Variants in RAI1 observed in about 807,000 individuals in gnomAD.
RAI1 encodes the protein retinoic acid-induced protein 1.
In RAI1, 9 loss-of-function variants were observed where a neutral mutation model predicts 123.8. That is an observed-to-expected ratio of 0.07 (90% CI 0.04 to 0.13). The LOEUF (loss-of-function observed/expected upper bound fraction) is 0.13. Among genes scored for constraint, RAI1 ranks in the 10% least tolerant of loss-of-function variants. The pLI, the probability that RAI1 is intolerant of heterozygous loss-of-function variation, is 1.00. For missense variants in RAI1, 2,256 were observed against 2,545.8 expected, an observed-to-expected ratio of 0.89 and a Z score of 2.45; for synonymous variants, 1,231 against 1,127.3, an observed-to-expected ratio of 1.09 and a Z score of -1.84.
intron 2 of RAI1, among the ~76,000 whole-genome samples, chr17:17,737,529 C>T (rs755896678): frequency 3.9e-5 from 6 of 152,170 alleles, no homozygotes; most frequent in Non-Finnish European, 7.4e-5. Context: ...CTGGCAGCCT[C>T]TAGGCTCACC....
intron 2 of RAI1, among the ~76,000 whole-genome samples, chr17:17,787,815 C>T (rs1028055707): frequency 3.3e-5 from 5 of 152,194 alleles, no homozygotes; most frequent in African/African-American, 1.2e-4. Flanking sequence ...GCCAGGCCAG[C>T]GGGTGGGCGT....
At chr17:17,787,427 A>G (rs2031863491) in intron 2 of RAI1, among the ~76,000 whole-genome samples, 1 of 152,168 alleles carries the variant, frequency 6.6e-6, no homozygotes, top group Non-Finnish European at 1.5e-5. Flanking sequence ...AGAGGTGGTG[A>G]CGCTTTTTGT....
chr17:17,750,234 T>A (rs572456669), intron 2 of RAI1, among the ~76,000 whole-genome samples: 1 of 152,340 alleles, frequency 6.6e-6, no homozygotes, highest in East Asian at 1.9e-4. Context: ...TTCCCATAGG[T>A]TGCTGTATTG....
At position 17,795,108 on chromosome 17, in the gene RAI1, C is replaced by A; in HGVS notation, c.2160C>A (p.Asp720Glu). ...TKPTLGVPAP[D>E]PTTAAFDCFP... Reference sequence around the variant, plus strand: ...CCACCCTTGGGGTTCCTGCTCCAGACCCCACTACAGCAGCTTTTGACTGTT... The same window carrying A: ...CCACCCTTGGGGTTCCTGCTCCAGAACCCACTACAGCAGCTTTTGACTGTT... Residue 720 changes from aspartate (D) to glutamate (E), a missense_variant, in exon 3 of 6, where the codon GAC (aspartate) becomes GAA (glutamate). Physicochemically the swap from Asp to Glu is conservative, Grantham distance 45. Transcript: ENST00000353383. This position sits in a 1 kb window ranked among gnomAD's most constrained non-coding sequence, Gnocchi z 5.9. The A allele has an allele frequency of 6.2e-7, 1 of 1,614,116 alleles. No individual in the cohort carries two copies. Among genetic ancestry groups the A allele is most frequent in the Non-Finnish European group, 8.5e-7 (1 of 1,180,038 alleles).
chr17:17,704,056 C>G (rs1598022623), intron 1 of RAI1, among the ~76,000 whole-genome samples: 1 of 152,200 alleles, frequency 6.6e-6, no homozygotes, highest in East Asian at 1.9e-4. Context: ...GTCAGGGCGG[C>G]AGGCTTGATG....
At chr17:17,803,349 AG>A (rs2032522892) in intron 3 of RAI1, among the ~76,000 whole-genome samples, 1 of 152,130 alleles carries the variant, frequency 6.6e-6, no homozygotes, top group African/African-American at 2.4e-5. Context: ...CAGGGACCAC[AG>A]GGGGCCAGCC....
chr17:17,788,393 C>T (rs553516087), intron 2 of RAI1, among the ~76,000 whole-genome samples: 1 of 152,274 alleles, frequency 6.6e-6, no homozygotes, highest in East Asian at 1.9e-4. Flanking sequence ...TGAGCCCATA[C>T]GATAGCAGTG....
rs530123360 is a variant in RAI1, at chr17:17,771,943, G to C, written c.-16-20990G>C. Among the ~76,000 whole-genome samples, 10 of 152,358 alleles carry C rather than the reference G, an allele frequency of 6.6e-5. No individual in the cohort carries two copies. The South Asian group carries it at 1.9e-3, about 28-fold the overall frequency. On this transcript the variant is annotated intron_variant, in intron 2 of 5. Coordinates refer to ENST00000353383, the MANE Select transcript of RAI1 (RefSeq NM_030665.4). ...CCACCTGCAGTGAGCCTAGGGGAAAGAACAGGCTGGCACAGGCATTAACTG... is the reference window on the plus strand; with the variant it reads ...CCACCTGCAGTGAGCCTAGGGGAAACAACAGGCTGGCACAGGCATTAACTG...
At position 17,793,761 on chromosome 17, in the gene RAI1, G is replaced by C. The variant is rs557499896; in HGVS notation, c.813G>C (p.Ser271=). ...QRVQNLHAYQ[S]GRLSYDQQQQ... ...TCCAGAATCTTCATGCCTACCAGTCGGGCCGCCTCAGCTATGACCAGCAGC... is the reference window on the plus strand; with the variant it reads ...TCCAGAATCTTCATGCCTACCAGTCCGGCCGCCTCAGCTATGACCAGCAGC... The change falls in exon 3 of 6, where the codon TCG becomes TCC. Residue 271 remains serine, a synonymous_variant. Coordinates refer to ENST00000353383, the MANE Select transcript of RAI1 (RefSeq NM_030665.4). 5.0e-6 allele frequency: 8 copies of C among 1,610,338 alleles called. No individual in the cohort carries two copies. The highest frequency in any genetic ancestry group is 1.4e-5 in the African/African-American group (1 of 73,762).
chr17:17,711,821 T>TCCTCCTG (rs1444393287), intron 1 of RAI1, among the ~76,000 whole-genome samples: 1 of 152,208 alleles, frequency 6.6e-6, no homozygotes. Flanking sequence ...GGGCAAGCCC[T>TCCTCCTG]CCTCCTGCGC....
rs1336470378 is a variant in RAI1, at chr17:17,794,643, C to T, written c.1695C>T (p.Ser565=). Residue 565 remains serine (S), a synonymous_variant, in exon 3 of 6, where the codon TCC becomes TCT. Transcript: ENST00000353383. ...TCSVTSPDDM[S]TKSDDSFQSL... ...CTGTGACCTCTCCTGACGACATGTC[C>T]ACCAAATCTGACGACTCCTTCCAGA... The T allele has an allele frequency of 6.2e-7, 1 of 1,613,048 alleles. No individual in the cohort carries two copies. Among genetic ancestry groups the T allele is most frequent in the Non-Finnish European group, 8.5e-7 (1 of 1,180,030 alleles).
At chr17:17,756,004 G>A (rs556582491) in intron 2 of RAI1, among the ~76,000 whole-genome samples, 82 of 152,318 alleles carry the variant, frequency 5.4e-4, no homozygotes, top group African/African-American at 1.9e-3. Context: ...CAGTCCTTAC[G>A]TGAGCCCTAG....
chr17:17,724,222 G>A (rs1598036091), intron 2 of RAI1, 63 bp downstream of exon 2: 1 of 150,794 alleles, frequency 6.6e-6, no homozygotes, highest in Non-Finnish European at 1.5e-5. Flanking sequence ...GGCTCCCCGA[G>A]CCCCCGGCCC....
chr17:17,752,492 G>A (rs1009119487), intron 2 of RAI1, among the ~76,000 whole-genome samples: 26 of 152,334 alleles, frequency 1.7e-4, no homozygotes, highest in African/African-American at 6.0e-4. Context: ...GCCGCCCCGG[G>A]AGCCTGGGAT....
At position 17,801,345 on chromosome 17, in the gene RAI1, C is replaced by T. The variant is rs2032456250; in HGVS notation, c.5566-2411C>T. ...GGGTTTACATGCCGCCACCCCTGCCCTCCTCTTGGGTAGCTGGGGTCAGAA... is the reference window on the plus strand; with the variant it reads ...GGGTTTACATGCCGCCACCCCTGCCTTCCTCTTGGGTAGCTGGGGTCAGAA... On this transcript the variant is annotated intron_variant, in intron 3 of 5. Transcript: ENST00000353383. This position sits in a 1 kb window ranked among gnomAD's most constrained non-coding sequence, Gnocchi z 4.1. Among the ~76,000 whole-genome samples the T allele has an allele frequency of 6.6e-6, 1 of 152,182 alleles. No homozygotes were observed.
chr17:17,750,671 C>T (rs1261996045), intron 2 of RAI1, among the ~76,000 whole-genome samples: 2 of 129,246 alleles, frequency 1.5e-5, no homozygotes, highest in African/African-American at 3.0e-5. Context: ...GCTGAGATTG[C>T]ACCATTGTAC....
In RAI1 at chr17:17,799,684, GT is replaced by G. The variant is rs2032389985; in HGVS notation, c.5565+1172del. On this transcript the variant is annotated intron_variant, in intron 3 of 5. Transcript: ENST00000353383. This position sits in a 1 kb window ranked among gnomAD's most constrained non-coding sequence, Gnocchi z 4.5. ...GGGGAGCCAGAGGGGCTTGGCAGGG[GT>G]CTCCAGAGGCCCTGGACAAACACTG... Among the ~76,000 whole-genome samples, 3 of 152,170 alleles carry G rather than the reference GT, an allele frequency of 2.0e-5. No homozygotes were observed. The highest frequency in any genetic ancestry group is 2.0e-4 in the Admixed American group (3 of 15,288).
At chr17:17,773,869 A>G (rs1187030157) in intron 2 of RAI1, among the ~76,000 whole-genome samples, 1 of 152,238 alleles carries the variant, frequency 6.6e-6, no homozygotes, top group Non-Finnish European at 1.5e-5. Context: ...CATAGCCATG[A>G]GTTATAATAG....
At chr17:17,726,356 T>A (rs999787457) in intron 2 of RAI1, among the ~76,000 whole-genome samples, 1 of 152,230 alleles carries the variant, frequency 6.6e-6, no homozygotes, top group Admixed American at 6.5e-5. Flanking sequence ...ACCCATAGGT[T>A]GGACCATGAG....
Sources: allele counts gnomAD v4.1 joint callset (sites outside exome capture counted in the v4.1 genomes callset), GRCh38; gene constraint gnomAD v4.1.1; non-coding constraint Gnocchi (gnomAD v3.1); transcripts MANE v1.5; gene names NCBI Gene and HGNC (gene_info 2026-07-23, HGNC 2026-07-21).